Variants in SPIDR observed in about 807,000 individuals in gnomAD.
SPIDR encodes the protein scaffold protein involved in DNA repair.
SPIDR carries 93 observed loss-of-function variants against 104.6 expected under a neutral mutation model. That is an observed-to-expected ratio of 0.89 (90% CI 0.75 to 1.06). SPIDR has a LOEUF of 1.06. Among genes scored for constraint, SPIDR ranks in the 50% least tolerant of loss-of-function variants. The pLI is 0.00. For missense variants in SPIDR, 1,154 were observed against 1,111.2 expected (o/e 1.04, Z -0.55); for synonymous variants, 431 against 416.9 (o/e 1.03, Z -0.41).
chr8:47,474,613 A>G (rs1408956747), intron 8 of SPIDR, among the ~76,000 whole-genome samples: 3 of 152,226 alleles, frequency 2.0e-5, no homozygotes, highest in Non-Finnish European at 4.4e-5. Context: ...TAATGTGAAA[A>G]TGGAGTTCTC....
chr8:47,664,519 G>C (rs952162045), intron 10 of SPIDR, among the ~76,000 whole-genome samples: 1 of 152,058 alleles, frequency 6.6e-6, no homozygotes, highest in Non-Finnish European at 1.5e-5. Context: ...TAGAAATTCT[G>C]TTGTTGAAAA....
At chr8:47,502,624 GTC>G (rs962726679) in intron 8 of SPIDR, among the ~76,000 whole-genome samples, 45 of 152,214 alleles carry the variant, frequency 3.0e-4, no homozygotes, top group African/African-American at 1.1e-3. Flanking sequence ...GGTTTTTCGT[GTC>G]TCTATTTCCT....
At chr8:47,294,673 C>G (rs1374762012) in intron 5 of SPIDR, among the ~76,000 whole-genome samples, 1 of 152,182 alleles carries the variant, frequency 6.6e-6, no homozygotes, top group Admixed American at 6.5e-5. Flanking sequence ...CTGTGTCACC[C>G]AGGCTAGAAC....
chr8:47,287,574 G>T (rs1317259008), intron 3 of SPIDR, among the ~76,000 whole-genome samples: 2 of 151,912 alleles, frequency 1.3e-5, no homozygotes, highest in Non-Finnish European at 2.9e-5. Flanking sequence ...CCTTCCCCAG[G>T]GTATTAATTA....
At chr8:47,474,722 G>C (rs1586331124) in intron 8 of SPIDR, among the ~76,000 whole-genome samples, 1 of 152,204 alleles carries the variant, frequency 6.6e-6, no homozygotes, top group African/African-American at 2.4e-5. Flanking sequence ...GAATCCTAAG[G>C]GTTTTTTAAA....
Position 47,293,964 on chromosome 8 carries a change from A to G in SPIDR, c.459A>G (p.Ser153=), listed in dbSNP as rs1375724181. Residue 153 remains serine, a synonymous_variant, in exon 5 of 20, where the codon TCA becomes TCG. Transcript: ENST00000297423. ...ATGACGAGGGTGCTGTGGAAATCTCAGACTGTGCTTCTTGTGCAAGTAATC... is the reference window on the plus strand; with the variant it reads ...ATGACGAGGGTGCTGTGGAAATCTCGGACTGTGCTTCTTGTGCAAGTAATC... The part of the protein sequence containing the change: ...FEDDEGAVEI[S]DCASCASNQS... The G allele has an allele frequency of 2.5e-5, 40 of 1,614,064 alleles. No homozygotes were observed. The African/African-American group carries it at 4.1e-4, about 17-fold the overall frequency.
At chr8:47,322,939 C>T (rs993898823) in intron 5 of SPIDR, among the ~76,000 whole-genome samples, 22 of 150,464 alleles carry the variant, frequency 1.5e-4, no homozygotes, top group Non-Finnish European at 2.2e-4. Flanking sequence ...GGCCTGTTGT[C>T]GGGTGGGGGC....
chr8:47,648,946 C>T (rs1299429962), intron 10 of SPIDR, among the ~76,000 whole-genome samples: 1 of 152,116 alleles, frequency 6.6e-6, no homozygotes, highest in Non-Finnish European at 1.5e-5. Flanking sequence ...ACAGTATCTC[C>T]TACACAATGT....
At chr8:47,518,161 T>G (rs981578152) in intron 8 of SPIDR, among the ~76,000 whole-genome samples, 11 of 152,238 alleles carry the variant, frequency 7.2e-5, no homozygotes, top group Admixed American at 6.5e-4. Context: ...AATTCATAGA[T>G]ACATTGGTCT....
chr8:47,285,830 G>A (rs957010039), intron 3 of SPIDR, among the ~76,000 whole-genome samples: 10 of 152,094 alleles, frequency 6.6e-5, no homozygotes, highest in African/African-American at 2.4e-4. Context: ...AATTTTGGTG[G>A]GGGGGGACAC....
intron 5 of SPIDR, among the ~76,000 whole-genome samples, chr8:47,357,681 G>T (rs967566592): frequency 6.6e-6 from 1 of 152,168 alleles, no homozygotes; most frequent in Non-Finnish European, 1.5e-5. Flanking sequence ...AAGAAGGCAA[G>T]CACAATGAGC....
At chr8:47,551,960 G>A (rs2090566676) in intron 8 of SPIDR, among the ~76,000 whole-genome samples, 1 of 152,150 alleles carries the variant, frequency 6.6e-6, no homozygotes, top group African/African-American at 2.4e-5. Context: ...CAGAGATTCT[G>A]TTAGGTTGTG....
intron 10 of SPIDR, among the ~76,000 whole-genome samples, chr8:47,616,125 G>A (rs2064280194): frequency 6.6e-6 from 1 of 152,152 alleles, no homozygotes; most frequent in Admixed American, 6.5e-5. Context: ...AGTAAAGACA[G>A]TTTTACTTCT....
chr8:47,493,092 C>G (rs889077003), intron 8 of SPIDR, among the ~76,000 whole-genome samples: 6 of 148,002 alleles, frequency 4.1e-5, no homozygotes, highest in Non-Finnish European at 7.5e-5. Context: ...AATAGAACTT[C>G]GCAGATAGCA....
At chr8:47,412,114 C>A (rs2063614997) in intron 7 of SPIDR, among the ~76,000 whole-genome samples, 1 of 152,106 alleles carries the variant, frequency 6.6e-6, no homozygotes, top group Non-Finnish European at 1.5e-5. Context: ...GTTCTTTTGG[C>A]TTAGGATTGA....
At chr8:47,310,944 CACAT>C (rs2044043077) in intron 5 of SPIDR, among the ~76,000 whole-genome samples, 1 of 152,068 alleles carries the variant, frequency 6.6e-6, no homozygotes, top group Non-Finnish European at 1.5e-5. Context: ...AGTAGACACA[CACAT>C]ACACAAACAG....
rs782660706 is a variant in SPIDR at position 47,396,664 on chromosome 8, TTC to T, written c.776+42_776+43del. ...CCTTTTAAATACTCTTTTTAAATTTTTCTCTTTCTTTAAAAACCCAAATATCT... is the reference window on the plus strand; with the variant it reads ...CCTTTTAAATACTCTTTTTAAATTTTTCTTTCTTTAAAAACCCAAATATCT... On this transcript the variant is annotated intron_variant, in intron 6 of 19. Transcript: ENST00000297423. 2.6e-6 allele frequency: 4 copies of T among 1,543,322 alleles called. No homozygotes were observed. In the East Asian group the frequency reaches 9.0e-5, roughly 35 times the overall value.
chr8:47,604,064 G>C (rs2062644402), intron 10 of SPIDR, among the ~76,000 whole-genome samples: 1 of 152,176 alleles, frequency 6.6e-6, no homozygotes, highest in Non-Finnish European at 1.5e-5. Flanking sequence ...CATAGTTCTA[G>C]TGGGAGATCC....
At chr8:47,664,165 A>G (rs758460431) in intron 10 of SPIDR, among the ~76,000 whole-genome samples, 1 of 151,862 alleles carries the variant, frequency 6.6e-6, no homozygotes, top group Non-Finnish European at 1.5e-5. Flanking sequence ...GGTACATTTC[A>G]CCCTTCATGG....
Sources: allele counts gnomAD v4.1 joint callset (sites outside exome capture counted in the v4.1 genomes callset), GRCh38; gene constraint gnomAD v4.1.1; transcripts MANE v1.5; gene names NCBI Gene and HGNC (gene_info 2026-07-23, HGNC 2026-07-21).